LRRC75A: variants seen among roughly 807,000 people sequenced by gnomAD.
LRRC75A encodes the protein leucine-rich repeat-containing protein 75A.
In LRRC75A, 12 loss-of-function variants were observed where a neutral mutation model predicts 26.0. That is an observed-to-expected ratio of 0.46 (90% CI 0.30 to 0.75). LRRC75A has a LOEUF of 0.75. Among genes scored for constraint, LRRC75A ranks in the 30% least tolerant of loss-of-function variants. The pLI, the probability that LRRC75A is intolerant of heterozygous loss-of-function variation, is 0.08. For synonymous variants in LRRC75A, 223 were observed against 219.3 expected, an observed-to-expected ratio of 1.02 and a Z score of -0.15; for missense variants, 410 against 486.6, an observed-to-expected ratio of 0.84 and a Z score of 1.48.
Position 16,457,233 on chromosome 17 carries a change from T to G in LRRC75A, c.375+5025A>C, listed in dbSNP as rs116440154. Among the ~76,000 whole-genome samples, 966 of 152,262 alleles carry G rather than the reference T, an allele frequency of 6.3e-3. 8 individuals are homozygous for G. Among genetic ancestry groups the G allele is most frequent in the African/African-American group, 0.022 (924 of 41,546 alleles). Reference sequence around the variant, plus strand: ...GGCTATCCCTCCCTCATCCATAAATTCATTCATACATTCATCAAATGTTGA... The same window carrying G: ...GGCTATCCCTCCCTCATCCATAAATGCATTCATACATTCATCAAATGTTGA... On this transcript the variant is annotated intron_variant, in intron 2 of 3. Transcript: ENST00000470794.
intron 2 of LRRC75A, among the ~76,000 whole-genome samples, chr17:16,451,841 T>C (rs1319757236): frequency 1.3e-5 from 2 of 150,260 alleles, no homozygotes; most frequent in Middle Eastern, 3.2e-3. Flanking sequence ...GCCTCCCGGG[T>C]TCACGCCATT....
Position 16,443,586 on chromosome 17 carries a change from TGTCAC to T in LRRC75A, c.1032_*1del. The T allele has an allele frequency of 2.6e-6, 4 of 1,514,080 alleles. No individual in the cohort carries two copies. Among genetic ancestry groups the T allele is most frequent in the Non-Finnish European group, 3.6e-6 (4 of 1,122,166 alleles). 93.8% of individuals were successfully genotyped at this position (1,514,080 alleles called of 1,614,324 possible). ...TCCCTGGTGAGGCCCTTCACTTCCA[TGTCAC>T]GTCTGAGCTGCAGCTACAGTCTCCT... is the stretch of plus-strand genomic sequence containing the variant. On this transcript the variant is annotated stop_lost and 3_prime_UTR_variant, in exon 4 of 4. Transcript: ENST00000470794.
chr17:16,473,997 C>T (rs189167049), intron 1 of LRRC75A, among the ~76,000 whole-genome samples: 22 of 152,328 alleles, frequency 1.4e-4, no homozygotes, highest in Non-Finnish European at 2.8e-4. Flanking sequence ...GATGCCCAGC[C>T]GTTGCCAAGT....
intron 3 of LRRC75A, among the ~76,000 whole-genome samples, chr17:16,447,207 T>C (rs974733780): frequency 6.6e-6 from 1 of 152,122 alleles, no homozygotes; most frequent in Non-Finnish European, 1.5e-5. Flanking sequence ...TTCTGTGTCC[T>C]ACATGCCCCT....
chr17:16,465,116 G>C (rs768641633), intron 1 of LRRC75A, among the ~76,000 whole-genome samples: 6 of 152,172 alleles, frequency 3.9e-5, no homozygotes, highest in African/African-American at 7.2e-5. Flanking sequence ...TTTTACACTC[G>C]GTCGAGCAGG....
At chr17:16,446,398 G>T (rs1659212468) in intron 3 of LRRC75A, among the ~76,000 whole-genome samples, 1 of 152,180 alleles carries the variant, frequency 6.6e-6, no homozygotes, top group Non-Finnish European at 1.5e-5. Context: ...CTCAGGAGAA[G>T]GTAGCGTGTG....
At chr17:16,476,451 A>G (rs1273521253) in intron 1 of LRRC75A, among the ~76,000 whole-genome samples, 2 of 151,998 alleles carry the variant, frequency 1.3e-5, no homozygotes, top group Non-Finnish European at 2.9e-5. Flanking sequence ...GCATCAAGCA[A>G]TCCTCCCGCT....
intron 2 of LRRC75A, among the ~76,000 whole-genome samples, chr17:16,449,511 T>G (rs542490605): frequency 6.6e-6 from 1 of 152,198 alleles, no homozygotes; most frequent in African/African-American, 2.4e-5. Flanking sequence ...CCAGGCACAC[T>G]CTAAGTGAAT....
chr17:16,453,918 T>C (rs796701977), intron 2 of LRRC75A, among the ~76,000 whole-genome samples: 1 of 151,998 alleles, frequency 6.6e-6, no homozygotes, highest in East Asian at 1.9e-4. Context: ...CAGGTCACTC[T>C]CTCCCTTCTG....
chr17:16,469,649 G>C (rs1319513777), intron 1 of LRRC75A, among the ~76,000 whole-genome samples: 1 of 152,138 alleles, frequency 6.6e-6, no homozygotes, highest in Admixed American at 6.5e-5. Context: ...CCTTGAGAAG[G>C]GACATCTTCA....
chr17:16,476,593 T>C (rs949705661), intron 1 of LRRC75A, among the ~76,000 whole-genome samples: 2 of 151,596 alleles, frequency 1.3e-5, no homozygotes, highest in African/African-American at 2.4e-5. Flanking sequence ...GAGGCTGAAT[T>C]TCACTCTGTC....
At chr17:16,453,621 G>A (rs1353306584) in intron 2 of LRRC75A, among the ~76,000 whole-genome samples, 1 of 152,112 alleles carries the variant, frequency 6.6e-6, no homozygotes, top group Non-Finnish European at 1.5e-5. Flanking sequence ...CAGCTAACAT[G>A]TATTGAGCAG....
intron 2 of LRRC75A, among the ~76,000 whole-genome samples, chr17:16,448,800 G>A (rs2093607518): frequency 6.6e-6 from 1 of 152,222 alleles, no homozygotes; most frequent in African/African-American, 2.4e-5. Flanking sequence ...GACAGACCTA[G>A]GAGAGAGCCT....
chr17:16,491,341 G>T lies in LRRC75A; in HGVS notation c.246+404C>A, dbSNP rs2093856630. 1.3e-5 allele frequency among the ~76,000 whole-genome samples: 2 copies of T among 152,324 alleles called. No homozygotes were observed. Among genetic ancestry groups the T allele is most frequent in the African/African-American group, 2.4e-5 (1 of 41,586 alleles). ...GCCAAGCCAGGTCCAACTGATAACC[G>T]CATTCCTTGAGGACCCTCGGCCGGG... On this transcript the variant is annotated intron_variant, in intron 1 of 3. Transcript: ENST00000470794. The surrounding 1 kb of genome is among the most constrained non-coding windows in gnomAD (Gnocchi z 5.9).
At chr17:16,465,243 C>A (rs2093759053) in intron 1 of LRRC75A, among the ~76,000 whole-genome samples, 1 of 152,208 alleles carries the variant, frequency 6.6e-6, no homozygotes, top group African/African-American at 2.4e-5. Flanking sequence ...CTCCCCCTTA[C>A]AATTGTCCCT....
chr17:16,451,515 G>A (rs12946107), intron 2 of LRRC75A, among the ~76,000 whole-genome samples: 52,973 of 150,968 alleles, frequency 0.35, 9,691 homozygotes, highest in Non-Finnish European at 0.38. Flanking sequence ...CAGCTGCTCC[G>A]GAGTGCTGAG....
chr17:16,449,762 AC>A, intron 2 of LRRC75A, among the ~76,000 whole-genome samples: 1 of 152,062 alleles, frequency 6.6e-6, no homozygotes, highest in Non-Finnish European at 1.5e-5. Context: ...GATTACAGGC[AC>A]CCGCCATCAC....
intron 1 of LRRC75A, among the ~76,000 whole-genome samples, chr17:16,486,868 G>A (rs954051373): frequency 6.6e-6 from 1 of 152,214 alleles, no homozygotes; most frequent in Admixed American, 6.5e-5. Flanking sequence ...TTGCACAGCC[G>A]TAGCTGGGGA....
At chr17:16,458,526 C>T (rs964599329) in intron 2 of LRRC75A, among the ~76,000 whole-genome samples, 6 of 151,084 alleles carry the variant, frequency 4.0e-5, no homozygotes, top group African/African-American at 9.7e-5. Flanking sequence ...AGTGCAATGG[C>T]GCGATCTCAG....
Sources: gnomAD v4.1 joint callset for allele counts (sites outside exome capture counted in the v4.1 genomes callset) on GRCh38, gnomAD v4.1.1 for gene constraint, Gnocchi (gnomAD v3.1) non-coding constraint, MANE v1.5 for transcripts, NCBI Gene and HGNC (gene_info 2026-07-23, HGNC 2026-07-21) for gene names.